Variants in FXYD6 observed in about 807,000 individuals in gnomAD.
FXYD6 encodes the protein FXYD domain containing ion transport regulator 6.
A neutral mutation model predicts 16.7 loss-of-function variants in FXYD6; 7 were observed. That is an observed-to-expected ratio of 0.42 (90% confidence interval 0.24 to 0.79). FXYD6 has a LOEUF of 0.79. Among genes scored for constraint, FXYD6 ranks in the 30% least tolerant of loss-of-function variants. FXYD6 has a pLI of 0.28. For synonymous variants in FXYD6, 49 were observed against 43.0 expected, an observed-to-expected ratio of 1.14 and a Z score of -0.54; for missense variants, 111 against 116.2, an observed-to-expected ratio of 0.95 and a Z score of 0.21.
intron 1 of FXYD6, among the ~76,000 whole-genome samples, chr11:117,865,477 T>C (rs575304385): frequency 6.6e-6 from 1 of 152,346 alleles, no homozygotes; most frequent in South Asian, 2.1e-4. Context: ...TGTTCATCAG[T>C]GGATTAATGG....
chr11:117,842,822 A>C (rs1293536746), intron 1 of FXYD6, 41 bp from the exon 2 acceptor site: 1 of 1,548,862 alleles, frequency 6.5e-7, no homozygotes, highest in Non-Finnish European at 8.7e-7. Flanking sequence ...CTGGCTAAGA[A>C]GCCTCCATCC....
rs965477915 is a variant in FXYD6 at position 117,876,639 on chromosome 11, C to T, written c.-53G>A. On this transcript the variant is annotated 5_prime_UTR_variant, in exon 1 of 8. Transcript: ENST00000526014. ...GACTCCCAGGAGGACCCGCCGAGTC[C>T]CGAGGAGCCTGGGAGTGGCGGGGCT... 1 of 152,290 alleles carries T rather than the reference C, an allele frequency of 6.6e-6. No homozygotes were observed. The highest frequency in any genetic ancestry group is 1.5e-5 in the Non-Finnish European group (1 of 68,114). The allele number at this position is 152,290 out of a possible 1,614,324, so 9.4% of individuals were successfully genotyped here.
chr11:117,849,194 T>C (rs2056547098), intron 1 of FXYD6, among the ~76,000 whole-genome samples: 1 of 152,236 alleles, frequency 6.6e-6, no homozygotes, highest in South Asian at 2.1e-4. Flanking sequence ...TACTCCATCA[T>C]AGTTGGATTG....
At chr11:117,863,574 A>G (rs1440128529) in intron 1 of FXYD6, among the ~76,000 whole-genome samples, 1 of 152,122 alleles carries the variant, frequency 6.6e-6, no homozygotes, top group Non-Finnish European at 1.5e-5. Context: ...ATCCACTTTC[A>G]CCATTTCTGT....
intron 1 of FXYD6, among the ~76,000 whole-genome samples, chr11:117,861,029 C>G (rs2056892988): frequency 1.3e-5 from 2 of 152,204 alleles, no homozygotes; most frequent in South Asian, 4.1e-4. Flanking sequence ...CTCTCTGCCA[C>G]TCAGTGGCTC....
intron 1 of FXYD6, among the ~76,000 whole-genome samples, chr11:117,857,713 G>T (rs1345326018): frequency 6.6e-6 from 1 of 152,168 alleles, no homozygotes; most frequent in Non-Finnish European, 1.5e-5. Context: ...GGCCCAGGTG[G>T]AATATTTATA....
At chr11:117,839,903 T>G (rs2056299267) in intron 6 of FXYD6, 73 bp from the exon 7 acceptor site, 1 of 1,588,632 alleles carries the variant, frequency 6.3e-7, no homozygotes, top group Admixed American at 1.7e-5. Context: ...ACAGCAGCCG[T>G]GTCTCTGCCT....
chr11:117,876,757 G>C (rs576958522), upstream of FXYD6: 1 of 145,470 alleles, frequency 6.9e-6, no homozygotes, highest in African/African-American at 2.8e-5. Context: ...TGCGGGGGCG[G>C]GGGGGGGGCT....
At chr11:117,841,948 G>A (rs1337277419) in intron 3 of FXYD6, 42 bp downstream of exon 3, 4 of 1,613,880 alleles carry the variant, frequency 2.5e-6, no homozygotes, top group Non-Finnish European at 3.4e-6. Context: ...AGGCAGGGCT[G>A]CATTCCCCCT....
At chr11:117,848,513 C>A (rs1236249887) in intron 1 of FXYD6, among the ~76,000 whole-genome samples, 1 of 151,836 alleles carries the variant, frequency 6.6e-6, no homozygotes, top group Non-Finnish European at 1.5e-5. Context: ...ATTGTATTAA[C>A]CTTGCCTGGT....
chr11:117,858,696 T>TC (rs1565323664), intron 1 of FXYD6, among the ~76,000 whole-genome samples: 1 of 67,942 alleles, frequency 1.5e-5, no homozygotes, highest in African/African-American at 7.5e-5. Flanking sequence ...TCTTTCTTTC[T>TC]TTCTTTCTCT....
At chr11:117,842,472 C>T (rs12363888) in intron 2 of FXYD6, among the ~76,000 whole-genome samples, 5,515 of 152,242 alleles carry the variant, frequency 0.036, 136 homozygotes, top group Non-Finnish European at 0.056. Context: ...AGTGAGCTTG[C>T]GGGGCTTAAA....
intron 1 of FXYD6, among the ~76,000 whole-genome samples, chr11:117,856,796 G>C (rs116279373): frequency 0.021 from 3,132 of 152,274 alleles, 113 homozygotes; most frequent in African/African-American, 0.072. Context: ...ACAGTGATTG[G>C]GCTCCTGCTT....
At chr11:117,866,842 G>A (rs113523070) in intron 1 of FXYD6, among the ~76,000 whole-genome samples, 4,651 of 152,270 alleles carry the variant, frequency 0.031, 69 homozygotes, top group Middle Eastern at 0.075. Context: ...ACTACTAGCC[G>A]GCAGCCTTTC....
At chr11:117,842,846 G>A (rs1328981816) in intron 1 of FXYD6, 65 bp from the exon 2 acceptor site, 39 of 1,528,230 alleles carry the variant, frequency 2.6e-5, no homozygotes, top group South Asian at 6.0e-5. Flanking sequence ...AGCTCCAAGC[G>A]TCAGCCTGAC....
intron 1 of FXYD6, among the ~76,000 whole-genome samples, chr11:117,856,574 GC>G (rs1448106969): frequency 6.6e-6 from 1 of 152,172 alleles, no homozygotes; most frequent in Admixed American, 6.5e-5. Context: ...CTTTTATGAG[GC>G]CGCAGAATGC....
At chr11:117,841,945 G>A (rs768234675) in intron 3 of FXYD6, 45 bp downstream of exon 3, 5 of 1,613,900 alleles carry the variant, frequency 3.1e-6, no homozygotes, top group Non-Finnish European at 4.2e-6. Context: ...GCCAGGCAGG[G>A]CTGCATTCCC....
At chr11:117,859,637 A>C (rs747665009) in intron 1 of FXYD6, among the ~76,000 whole-genome samples, 2 of 152,204 alleles carry the variant, frequency 1.3e-5, no homozygotes, top group Non-Finnish European at 2.9e-5. Flanking sequence ...CCTTTCATGA[A>C]ATCCAAGAAC....
chr11:117,840,015 C>A (rs1012940226), intron 6 of FXYD6, 185 bp from the exon 7 acceptor site: 13 of 736,978 alleles, frequency 1.8e-5, no homozygotes, highest in East Asian at 1.6e-4. Flanking sequence ...AACCTGGTAA[C>A]CTCTCTCAGT....
Sources: gnomAD v4.1 joint callset for allele counts (sites outside exome capture counted in the v4.1 genomes callset) on GRCh38, gnomAD v4.1.1 for gene constraint, MANE v1.5 for transcripts, NCBI Gene and HGNC (gene_info 2026-07-23, HGNC 2026-07-21) for gene names.